DLGAP5: variants seen among roughly 807,000 people sequenced by gnomAD.
The protein encoded by DLGAP5 is disks large-associated protein 5.
Under a neutral mutation model 99.6 loss-of-function variants are expected in DLGAP5, and 90 were observed. That is an observed-to-expected ratio of 0.90 (90% CI 0.76 to 1.08). The LOEUF (loss-of-function observed/expected upper bound fraction) is 1.08, where lower values mean the gene tolerates loss of function less well. Among genes scored for constraint, DLGAP5 ranks in the 50% least tolerant of loss-of-function variants. The pLI, the probability that DLGAP5 is intolerant of heterozygous loss-of-function variation, is 0.00. For missense variants in DLGAP5, 1,036 were observed against 983.5 expected, an observed-to-expected ratio of 1.05 and a Z score of -0.71; for synonymous variants, 311 against 321.3, an observed-to-expected ratio of 0.97 and a Z score of 0.34.
At chr14:55,156,600 C>A (rs959564816) in intron 14 of DLGAP5, among the ~76,000 whole-genome samples, 1 of 152,134 alleles carries the variant, frequency 6.6e-6, no homozygotes, top group Non-Finnish European at 1.5e-5. Flanking sequence ...AAGGTCCTAC[C>A]CATGTGCAGA....
chr14:55,159,774 C>T (rs1439058703), intron 13 of DLGAP5, among the ~76,000 whole-genome samples: 3 of 151,860 alleles, frequency 2.0e-5, no homozygotes, highest in African/African-American at 7.3e-5. Context: ...TAAGATTGCA[C>T]AGGAAAATTA....
At chr14:55,149,223 TAAC>T (rs1242659481) in intron 18 of DLGAP5, among the ~76,000 whole-genome samples, 2 of 152,074 alleles carry the variant, frequency 1.3e-5, no homozygotes, top group Non-Finnish European at 2.9e-5. Context: ...GATTTACTTA[TAAC>T]AACATACATT....
rs769201607 is a variant in DLGAP5 at position 55,154,658 on chromosome 14, T to C, written c.2022A>G (p.Glu674=). The change falls in exon 15 of 19, where the codon GAA becomes GAG. Residue 674 remains glutamate, a synonymous_variant. Coordinates refer to ENST00000247191, the MANE Select transcript of DLGAP5 (RefSeq NM_014750.5). The stretch of plus-strand genomic sequence containing the variant: ...TCAAAAACAAAGTCTTCTTCACATG[T>C]TCACTTTTCGTATTCTGAGGACCGG... The part of the protein sequence containing the change: ...ENAGPQNTKS[E]HVKKTLFLSI... 1.2e-6 allele frequency: 2 copies of C among 1,614,164 alleles called. No individual in the cohort carries two copies. The highest frequency in any genetic ancestry group is 1.3e-5 in the African/African-American group (1 of 75,056).
In DLGAP5 at chr14:55,181,275, C is replaced by T. The variant is rs370837704; in HGVS notation, c.518G>A (p.Arg173Gln). 9.3e-6 allele frequency: 15 copies of T among 1,613,812 alleles called. No homozygotes were observed. The highest frequency in any genetic ancestry group is 5.3e-5 in the African/African-American group (4 of 74,880). The change falls in exon 5 of 19, where the codon CGA becomes CAA. Residue 173 changes from arginine to glutamine, a missense_variant. Arg to Gln is a conservative substitution (Grantham distance 43). Transcript: ENST00000247191. ...TTGTCTTGGACCAGGTCGGATTGCT[C>T]GAACATCACTCTCGTTATCAATCTA... The part of the protein sequence containing the change: ...QTKIDNESDV[R>Q]AIRPGPRQTS...
At chr14:55,158,853 A>G in intron 13 of DLGAP5, 112 bp from the exon 14 acceptor site, 1 of 715,978 alleles carries the variant, frequency 1.4e-6, no homozygotes, top group Non-Finnish European at 2.3e-6. Context: ...TAAAGTATAC[A>G]TAAAATATTT....
chr14:55,149,437 C>CA (rs144879680), intron 18 of DLGAP5, among the ~76,000 whole-genome samples: 10,121 of 151,946 alleles, frequency 0.067, 888 homozygotes, highest in African/African-American at 0.19. Flanking sequence ...AGCCTGACCA[C>CA]AAAAAAGGCA....
intron 2 of DLGAP5, among the ~76,000 whole-genome samples, chr14:55,187,140 G>A (rs891732469): frequency 8.6e-5 from 13 of 151,786 alleles, no homozygotes; most frequent in Non-Finnish European, 1.8e-4. Flanking sequence ...TCTTGACCTC[G>A]TGATCCACTC....
In DLGAP5 at chr14:55,173,224, T is replaced by C. The variant is rs1468791698; in HGVS notation, c.1301+2122A>G. ...CTGAGGCAAAAGGATCGCTTGAGCCTGTGAGTTCGAGACCAGCTTGGGCAA... is the reference window on the plus strand; with the variant it reads ...CTGAGGCAAAAGGATCGCTTGAGCCCGTGAGTTCGAGACCAGCTTGGGCAA... On this transcript the variant is annotated intron_variant, in intron 10 of 18. Transcript: ENST00000247191. 1.2e-3 allele frequency among the ~76,000 whole-genome samples: 166 copies of C among 144,080 alleles called. 1 individual carries two copies. The highest frequency in any genetic ancestry group is 3.0e-4 in the Non-Finnish European group (20 of 66,612). 94.5% of individuals were successfully genotyped at this position (144,080 alleles called of 152,430 possible).
At position 55,158,564 on chromosome 14, in the gene DLGAP5, C is replaced by T; in HGVS notation, c.1831G>A (p.Ala611Thr). Residue 611 changes from alanine (A) to threonine (T), a missense_variant, in exon 14 of 19, where the codon GCT becomes ACT. By Grantham distance (58) the Ala-to-Thr change is moderately conservative. Coordinates refer to ENST00000247191, the MANE Select transcript of DLGAP5 (RefSeq NM_014750.5). ...GGACTTTCAACTCTGAAAAATCCAGCATCGAACACTATTTTATCAACTTCC... is the reference window on the plus strand; with the variant it reads ...GGACTTTCAACTCTGAAAAATCCAGTATCGAACACTATTTTATCAACTTCC... The part of the protein sequence containing the change: ...PKEVDKIVFD[A>T]GFFRVESPVK... 1 of 1,614,092 alleles carries T rather than the reference C, an allele frequency of 6.2e-7. No individual in the cohort carries two copies. Among genetic ancestry groups the T allele is most frequent in the East Asian group, 2.2e-5 (1 of 44,866 alleles).
At chr14:55,187,249 C>G (rs1883462704) in intron 2 of DLGAP5, among the ~76,000 whole-genome samples, 1 of 151,546 alleles carries the variant, frequency 6.6e-6, no homozygotes, top group African/African-American at 2.4e-5. Context: ...CAGTAGTCTA[C>G]TTACTGCTCT....
chr14:55,176,184 A>G (rs569335581), intron 8 of DLGAP5, among the ~76,000 whole-genome samples, 166 bp from the exon 9 acceptor site: 24 of 152,336 alleles, frequency 1.6e-4, no homozygotes, highest in African/African-American at 4.3e-4. Flanking sequence ...CTATAGTGTG[A>G]ATGTCCATTT....
At chr14:55,176,977 A>AG (rs1883087217) in intron 8 of DLGAP5, 85 bp downstream of exon 8, 3 of 121,426 alleles carry the variant, frequency 2.5e-5, no homozygotes, top group Non-Finnish European at 3.3e-5. Flanking sequence ...ACTCCGTCTG[A>AG]AAAAAAAAAA....
chr14:55,167,584 G>C (rs907941377), intron 12 of DLGAP5, among the ~76,000 whole-genome samples: 1 of 152,150 alleles, frequency 6.6e-6, no homozygotes, highest in African/African-American at 2.4e-5. Context: ...TCTGGGAATG[G>C]AGCCCACTCT....
intron 15 of DLGAP5, among the ~76,000 whole-genome samples, chr14:55,153,038 C>G (rs1882072040): frequency 6.6e-6 from 1 of 152,116 alleles, no homozygotes; most frequent in South Asian, 2.1e-4. Flanking sequence ...TTACTCGTTA[C>G]TTGTTAATCC....
intron 17 of DLGAP5, 124 bp from the exon 18 acceptor site, chr14:55,150,972 C>T: frequency 1.7e-6 from 1 of 592,016 alleles, no homozygotes; most frequent in Non-Finnish European, 2.9e-6. Flanking sequence ...AAAATATAGA[C>T]CCCTATGCTA....
At chr14:55,184,195 C>T (rs1263251543) in intron 2 of DLGAP5, among the ~76,000 whole-genome samples, 3 of 152,022 alleles carry the variant, frequency 2.0e-5, no homozygotes, top group Non-Finnish European at 2.9e-5. Flanking sequence ...CACAGTAACA[C>T]ACCTGTAGTC....
At position 55,180,426 on chromosome 14, in the gene DLGAP5, C is replaced by A. The variant is rs542870183; in HGVS notation, c.703+230G>T. The stretch of plus-strand genomic sequence containing the variant: ...TAAATGAACTGTGATTTACTCGGAC[C>A]ATTAATTTTTCACTTTGAAACACTG... On this transcript the variant is annotated intron_variant, in intron 6 of 18. Coordinates refer to ENST00000247191, the MANE Select transcript of DLGAP5 (RefSeq NM_014750.5). Among the ~76,000 whole-genome samples the A allele has an allele frequency of 1.1e-4, 16 of 152,258 alleles. 1 individual carries two copies. The East Asian group carries it at 3.1e-3, about 29-fold the overall frequency.
At chr14:55,174,748 T>C (rs948507310) in intron 10 of DLGAP5, among the ~76,000 whole-genome samples, 4 of 151,600 alleles carry the variant, frequency 2.6e-5, no homozygotes, top group African/African-American at 9.7e-5. Flanking sequence ...TGGAGTGCAG[T>C]GGTGCAATCT....
At chr14:55,149,375 G>A (rs537499394) in intron 18 of DLGAP5, among the ~76,000 whole-genome samples, 2 of 152,128 alleles carry the variant, frequency 1.3e-5, no homozygotes, top group Admixed American at 6.6e-5. Context: ...AGAATGGTAC[G>A]TGGGTCACAG....
Sources: gnomAD v4.1 joint callset for allele counts (sites outside exome capture counted in the v4.1 genomes callset) on GRCh38, gnomAD v4.1.1 for gene constraint, MANE v1.5 for transcripts, NCBI Gene and HGNC (gene_info 2026-07-23, HGNC 2026-07-21) for gene names.